Variants in AIFM2 observed in about 807,000 individuals in gnomAD.
The protein encoded by AIFM2 is AIF family member 2, ferroptosis suppressor.
In AIFM2, 38 loss-of-function variants were observed where a neutral mutation model predicts 35.7. That is an observed-to-expected ratio of 1.06 (90% CI 0.82 to 1.39). The LOEUF (loss-of-function observed/expected upper bound fraction) is 1.39, where lower values mean the gene tolerates loss of function less well. Ranked by LOEUF, AIFM2 falls within the 40% of genes most tolerant of loss-of-function variation. AIFM2 has a pLI of 0.00. For missense variants in AIFM2, 476 were observed against 491.2 expected (o/e 0.97, Z 0.29); for synonymous variants, 185 against 203.5 (o/e 0.91, Z 0.77).
intron 1 of AIFM2, among the ~76,000 whole-genome samples, chr10:70,132,446 T>G (rs2072636551): frequency 6.6e-6 from 1 of 152,228 alleles, no homozygotes; most frequent in Non-Finnish European, 1.5e-5. Flanking sequence ...CCTAAGCCCA[T>G]CTTCCTTAGG....
In AIFM2 at chr10:70,121,083, A is replaced by T. The variant is rs1257691147; in HGVS notation, c.414+9T>A. 2.4e-5 allele frequency: 38 copies of T among 1,610,114 alleles called. No homozygotes were observed. Among genetic ancestry groups the T allele is most frequent in the Non-Finnish European group, 3.1e-5 (37 of 1,179,218 alleles). On this transcript the variant is annotated intron_variant, in intron 4 of 8. Transcript: ENST00000307864. ...CCACACTGCCCCATGCCTTCAGTGC[A>T]CAGCTCACCTGCCTCACCATGTCCT... is the stretch of plus-strand genomic sequence containing the variant.
At chr10:70,124,864 C>A (rs116797062) in intron 1 of AIFM2, among the ~76,000 whole-genome samples, 2 of 152,310 alleles carry the variant, frequency 1.3e-5, no homozygotes, top group East Asian at 3.9e-4. Flanking sequence ...TAGCAGGTTA[C>A]GACAAGAATC....
rs181228829 is a variant in AIFM2, at chr10:70,120,144, C to T, written c.507+363G>A. Among the ~76,000 whole-genome samples, 9 of 152,348 alleles carry T rather than the reference C, an allele frequency of 5.9e-5. No homozygotes were observed. The East Asian group carries it at 1.7e-3, about 29-fold the overall frequency. On this transcript the variant is annotated intron_variant, in intron 5 of 8. Transcript: ENST00000307864. The stretch of plus-strand genomic sequence containing the variant: ...GAGGTAATCAAATACTGGTTGCCAG[C>T]AAGAGGTAATCAAATATACATTTGT...
chr10:70,126,066 C>T (rs376840484), intron 1 of AIFM2, among the ~76,000 whole-genome samples: 2 of 152,212 alleles, frequency 1.3e-5, no homozygotes, highest in African/African-American at 4.8e-5. Context: ...AGAGGCCTTG[C>T]CTCCAGCCCA....
chr10:70,129,337 G>A (rs900664794), intron 1 of AIFM2, among the ~76,000 whole-genome samples: 4 of 151,834 alleles, frequency 2.6e-5, no homozygotes, highest in African/African-American at 9.7e-5. Flanking sequence ...GAGTAGCAAT[G>A]AATACACAGC....
At chr10:70,130,413 T>C (rs918685557) in intron 1 of AIFM2, among the ~76,000 whole-genome samples, 2 of 152,170 alleles carry the variant, frequency 1.3e-5, no homozygotes, top group African/African-American at 2.4e-5. Flanking sequence ...AATTATACAC[T>C]ATGTGGCTTT....
chr10:70,114,399 G>A (rs73273527), intron 8 of AIFM2, 70 bp from the exon 9 acceptor site: 40,669 of 1,588,336 alleles, frequency 0.026, 659 homozygotes, highest in Non-Finnish European at 0.029. Context: ...CCAGAGTGCC[G>A]ATCCTTCCCG....
intron 1 of AIFM2, among the ~76,000 whole-genome samples, chr10:70,125,265 C>T (rs2072552122): frequency 6.6e-6 from 1 of 151,996 alleles, no homozygotes; most frequent in African/African-American, 2.4e-5. Flanking sequence ...GAAGGAGGGG[C>T]CACAACCATA....
At position 70,131,868 on chromosome 10, in the gene AIFM2, C is replaced by T. The variant is rs2072630598; in HGVS notation, c.-14+866G>A. Among the ~76,000 whole-genome samples the T allele has an allele frequency of 6.6e-6, 1 of 152,204 alleles. No individual in the cohort carries two copies. The highest frequency in any genetic ancestry group is 2.4e-5 in the African/African-American group (1 of 41,446). On this transcript the variant is annotated intron_variant, in intron 1 of 8. Transcript: ENST00000307864. This position sits in a 1 kb window ranked among gnomAD's most constrained non-coding sequence, Gnocchi z 4.1. Reference sequence around the variant, plus strand: ...AGATCCCGGGGCTCTCTGGCAGGTGCATGCACGCACACTGGAACCTGATAC... The same window carrying T: ...AGATCCCGGGGCTCTCTGGCAGGTGTATGCACGCACACTGGAACCTGATAC...
chr10:70,113,656 T>C lies in AIFM2; in HGVS notation c.*522A>G, dbSNP rs139253239. 0.013 allele frequency: 1,912 copies of C among 152,814 alleles called. 42 individuals are homozygous for C. Among genetic ancestry groups the C allele is most frequent in the African/African-American group, 0.043 (1,771 of 41,568 alleles). 9.5% of individuals were successfully genotyped at this position (152,814 alleles called of 1,614,324 possible). A position where few individuals can be genotyped will look rare whatever the true frequency, so the allele number is the denominator to read the frequency against. ...TGTGAAGTCCCTGGTTGTTGCAGAATGTATGGGCTCCCCGACCGTGTGATG... is the reference window on the plus strand; with the variant it reads ...TGTGAAGTCCCTGGTTGTTGCAGAACGTATGGGCTCCCCGACCGTGTGATG... On this transcript the variant is annotated 3_prime_UTR_variant, in exon 9 of 9. Transcript: ENST00000307864.
rs188666062 is a variant in AIFM2 at position 70,117,383 on chromosome 10, C to G, written c.616+429G>C. ...AGCATTTGCTGGGTGGGTCTCGTCC[C>G]CTGCTCTACAAGAAGGCCACACTCC... On this transcript the variant is annotated intron_variant, in intron 6 of 8. Transcript: ENST00000307864. This position sits in a 1 kb window ranked among gnomAD's most constrained non-coding sequence, Gnocchi z 4.7. 6.6e-6 allele frequency among the ~76,000 whole-genome samples: 1 copy of G among 152,190 alleles called. No individual in the cohort carries two copies. Among genetic ancestry groups the G allele is most frequent in the African/African-American group, 2.4e-5 (1 of 41,446 alleles).
intron 1 of AIFM2, among the ~76,000 whole-genome samples, chr10:70,124,735 GCCA>G (rs2072547015): frequency 6.6e-6 from 1 of 152,134 alleles, no homozygotes; most frequent in Admixed American, 6.5e-5. Context: ...GCAAGCATAG[GCCA>G]CATCTAAAGG....
rs1237697284 is a variant in AIFM2, at chr10:70,131,572, A to C, written c.-14+1162T>G. On this transcript the variant is annotated intron_variant, in intron 1 of 8. Coordinates refer to ENST00000307864, the MANE Select transcript of AIFM2 (RefSeq NM_032797.6). This position sits in a 1 kb window ranked among gnomAD's most constrained non-coding sequence, Gnocchi z 4.1. ...CACTCCCGCACAGAAAACCTAGGCC[A>C]AGCAATTTGTCCATCCTCCTCAGAG... is the stretch of plus-strand genomic sequence containing the variant. 6.6e-6 allele frequency among the ~76,000 whole-genome samples: 1 copy of C among 152,210 alleles called. No individual in the cohort carries two copies. The highest frequency in any genetic ancestry group is 1.5e-5 in the Non-Finnish European group (1 of 68,034).
In AIFM2 at chr10:70,120,528, T is replaced by A; in HGVS notation, c.486A>T (p.Lys162Asn). 6.2e-7 allele frequency: 1 copy of A among 1,614,168 alleles called. No individual in the cohort carries two copies. The highest frequency in any genetic ancestry group is 8.5e-7 in the Non-Finnish European group (1 of 1,180,030). Reference protein sequence around the residue: ...SAGVEMAAEIKTEYPEKEVTL... With the variant: ...SAGVEMAAEINTEYPEKEVTL... Reference sequence around the variant, plus strand: ...TCACCTCTTTCTCAGGATATTCTGTTTTAATCTCTGCTGCCATCTCCACTC... The same window carrying A: ...TCACCTCTTTCTCAGGATATTCTGTATTAATCTCTGCTGCCATCTCCACTC... The change falls in exon 5 of 9, where the codon AAA becomes AAT. Residue 162 changes from lysine to asparagine, a missense_variant. Lys to Asn is a moderately conservative substitution (Grantham distance 94). Coordinates refer to ENST00000307864, the MANE Select transcript of AIFM2 (RefSeq NM_032797.6).
chr10:70,118,010 C>T (rs2072457745), intron 5 of AIFM2, 90 bp from the exon 6 acceptor site: 1 of 890,504 alleles, frequency 1.1e-6, no homozygotes, highest in African/African-American at 1.7e-5. Context: ...ACTCATACCT[C>T]CAGGTTACAG....
chr10:70,116,035 T>C (rs1203628670), intron 7 of AIFM2, among the ~76,000 whole-genome samples: 1 of 152,048 alleles, frequency 6.6e-6, no homozygotes, highest in Non-Finnish European at 1.5e-5. Flanking sequence ...GGAAGGGCAT[T>C]TGGGAGTAAA....
chr10:70,122,193 C>A (rs1589849478), intron 3 of AIFM2, among the ~76,000 whole-genome samples: 1 of 152,084 alleles, frequency 6.6e-6, no homozygotes, highest in African/African-American at 2.4e-5. Flanking sequence ...AAAAACAGAG[C>A]TGCTCCAATG....
chr10:70,128,184 A>T (rs1210237058), intron 1 of AIFM2, among the ~76,000 whole-genome samples: 1 of 152,274 alleles, frequency 6.6e-6, no homozygotes, highest in African/African-American at 2.4e-5. Flanking sequence ...GTATGGAATT[A>T]GTGGATGCCC....
In AIFM2 at chr10:70,117,374, G is replaced by T. The variant is rs928336113; in HGVS notation, c.616+438C>A. On this transcript the variant is annotated intron_variant, in intron 6 of 8. Transcript: ENST00000307864. This position sits in a 1 kb window ranked among gnomAD's most constrained non-coding sequence, Gnocchi z 4.7. ...TCACTTTCCAGCATTTGCTGGGTGG[G>T]TCTCGTCCCCTGCTCTACAAGAAGG... Among the ~76,000 whole-genome samples the T allele has an allele frequency of 1.3e-5, 2 of 152,258 alleles. No homozygotes were observed. The highest frequency in any genetic ancestry group is 3.9e-4 in the East Asian group (2 of 5,160).
Sources: allele counts gnomAD v4.1 joint callset (sites outside exome capture counted in the v4.1 genomes callset), GRCh38; gene constraint gnomAD v4.1.1; non-coding constraint Gnocchi (gnomAD v3.1); transcripts MANE v1.5; gene names NCBI Gene and HGNC (gene_info 2026-07-23, HGNC 2026-07-21).